SETX: variants seen among roughly 807,000 people sequenced by gnomAD.
SETX encodes the protein senataxin.
SETX carries 90 observed loss-of-function variants against 227.2 expected under a neutral mutation model. The ratio of observed to expected loss-of-function variants is 0.40; its 90% CI spans 0.33 to 0.47. The LOEUF is 0.47. Among genes scored for constraint, SETX ranks in the 20% least tolerant of loss-of-function variants. The probability of loss-of-function intolerance (pLI) is 0.91; values close to 1 mark genes in which losing one functional copy is unlikely to be tolerated. For missense variants in SETX, 3,052 were observed against 3,181.5 expected, an observed-to-expected ratio of 0.96 and a Z score of 0.98; for synonymous variants, 1,210 against 1,113.2, an observed-to-expected ratio of 1.09 and a Z score of -1.73.
At chr9:132,277,174 C>G (rs748667024) in intron 21 of SETX, 22 bp from the exon 22 acceptor site, 22 of 1,558,622 alleles carry the variant, frequency 1.4e-5, no homozygotes, top group Non-Finnish European at 1.7e-5. Flanking sequence ...AAAAAGCAGT[C>G]AACATTCAGA....
intron 25 of SETX, 162 bp downstream of exon 25, chr9:132,269,453 G>A: frequency 1.9e-6 from 3 of 1,586,568 alleles, no homozygotes; most frequent in Non-Finnish European, 1.7e-6. Context: ...AAAGGCGAAT[G>A]GTTCACGTGT....
chr9:132,304,366 C>T (rs1366094675), intron 11 of SETX, among the ~76,000 whole-genome samples: 8 of 152,096 alleles, frequency 5.3e-5, no homozygotes, highest in Non-Finnish European at 8.8e-5. Context: ...ATTTAGGGTC[C>T]TGCAAGACCC....
At chr9:132,333,972 A>ACAGAGAAG (rs1217597472) in intron 7 of SETX, among the ~76,000 whole-genome samples, 3 of 152,140 alleles carry the variant, frequency 2.0e-5, no homozygotes, top group Non-Finnish European at 4.4e-5. Context: ...CCACAGAGAA[A>ACAGAGAAG]CAAAGAGGCA....
intron 11 of SETX, among the ~76,000 whole-genome samples, chr9:132,309,373 C>T (rs1034205712): frequency 1.1e-4 from 17 of 151,560 alleles, no homozygotes. Flanking sequence ...ATAATCAGAC[C>T]TCTACTTGGG....
rs779742691 is a variant in SETX at position 132,330,171 on chromosome 9, T to C, written c.1427A>G (p.His476Arg). The change falls in exon 10 of 26, where the codon CAT (histidine) becomes CGT (arginine). Residue 476 changes from histidine to arginine, a missense_variant. Physicochemically the swap from His to Arg is conservative, Grantham distance 29. Around this residue, in one of 10 missense-constraint regions of SETX, gnomAD observed 179 missense variants for 197.1 expected, o/e 0.91. Transcript: ENST00000224140. ...TTGCTGGGAACTTACCCACAGCAAA[T>C]GCAAACATTTTTTATTTCTATGCAG... Reference protein sequence around the residue: ...IELHRNKKCLHLLWVSSQQWV... With the variant: ...IELHRNKKCLRLLWVSSQQWV... 1.3e-6 allele frequency: 2 copies of C among 1,594,840 alleles called. No homozygotes were observed. Among genetic ancestry groups the C allele is most frequent in the Non-Finnish European group, 1.7e-6 (2 of 1,168,824 alleles).
rs1479591314 is a variant in SETX, at chr9:132,294,625, G to C, written c.6106+1247C>G. ...CATGTTCCAGCCTCTCTTATACCTCGGTGTGGCCGAAAGGAAATAAGCAGA... is the reference window on the plus strand; with the variant it reads ...CATGTTCCAGCCTCTCTTATACCTCCGTGTGGCCGAAAGGAAATAAGCAGA... On this transcript the variant is annotated intron_variant, in intron 15 of 25. Transcript: ENST00000224140. 2.6e-5 allele frequency among the ~76,000 whole-genome samples: 4 copies of C among 152,304 alleles called. No homozygotes were observed. The East Asian group carries it at 7.7e-4, about 29-fold the overall frequency.
intron 25 of SETX, 197 bp downstream of exon 25, chr9:132,269,418 T>C (rs746910595): frequency 2.0e-5 from 32 of 1,568,778 alleles, no homozygotes; most frequent in East Asian, 1.5e-4. Flanking sequence ...GAGCCCAGTG[T>C]AGATACTTGG....
intron 11 of SETX, among the ~76,000 whole-genome samples, chr9:132,311,213 C>T (rs1845634965): frequency 1.3e-5 from 2 of 152,154 alleles, no homozygotes; most frequent in Admixed American, 6.5e-5. Flanking sequence ...GATCCCCGCC[C>T]GCCTCGGCCT....
At chr9:132,280,874 T>G (rs1186032655) in intron 20 of SETX, among the ~76,000 whole-genome samples, 1 of 152,230 alleles carries the variant, frequency 6.6e-6, no homozygotes, top group Non-Finnish European at 1.5e-5. Context: ...ACAGTCTGGT[T>G]CTTCTCTTCC....
intron 10 of SETX, 22 bp downstream of exon 10, chr9:132,326,302 T>C: frequency 6.5e-7 from 1 of 1,546,384 alleles, no homozygotes; most frequent in Non-Finnish European, 8.9e-7. Context: ...TGGAGAGGCA[T>C]ACAAATGAAA....
intron 19 of SETX, chr9:132,282,979 T>C (rs1319578159): frequency 2.3e-6 from 1 of 443,048 alleles, no homozygotes; most frequent in African/African-American, 2.0e-5. Context: ...CTTCAAAAGG[T>C]TACCAGAGAT....
chr9:132,298,346 T>G, intron 12 of SETX, 34 bp from the exon 13 acceptor site: 4 of 1,495,070 alleles, frequency 2.7e-6, no homozygotes, highest in Non-Finnish European at 3.7e-6. Context: ...CAACTTCAGT[T>G]ATCACTGAAT....
Position 132,269,756 on chromosome 9 carries a change from T to A in SETX, c.7200-54A>T, listed in dbSNP as rs545641978. The A allele has an allele frequency of 9.3e-5, 145 of 1,565,460 alleles. No homozygotes were observed. The East Asian group carries it at 3.3e-3, about 35-fold the overall frequency. ...TGTCTAGAATGACTTAACATGCCCA[T>A]GTGAGACAAAGGTGGACTCTAGAAT... On this transcript the variant is annotated intron_variant, in intron 24 of 25. Transcript: ENST00000224140.
At chr9:132,351,388 A>C (rs1187159115) in intron 2 of SETX, among the ~76,000 whole-genome samples, 1 of 152,240 alleles carries the variant, frequency 6.6e-6, no homozygotes, top group Admixed American at 6.5e-5. Flanking sequence ...ACTTTAAAAT[A>C]AGTACTAACA....
At position 132,331,353 on chromosome 9, in the gene SETX, T is replaced by C. The variant is rs1446005826; in HGVS notation, c.934A>G (p.Ile312Val). Reference protein sequence around the residue: ...SKVWGQLMDPIVAFQTIINNA... With the variant: ...SKVWGQLMDPVVAFQTIINNA... The stretch of plus-strand genomic sequence containing the variant: ...TTGATAATGGTTTGAAATGCCACAA[T>C]AGGATCCATAAGTTGACCCCAGACC... The change falls in exon 8 of 26, where the codon ATT (isoleucine) becomes GTT (valine). Residue 312 changes from isoleucine to valine, a missense_variant. By Grantham distance (29) the Ile-to-Val change is conservative. Coordinates refer to ENST00000224140, the MANE Select transcript of SETX (RefSeq NM_015046.7). The C allele has an allele frequency of 5.6e-6, 9 of 1,614,032 alleles. No individual in the cohort carries two copies. Among genetic ancestry groups the C allele is most frequent in the East Asian group, 2.2e-5 (1 of 44,878 alleles).
At chr9:132,319,729 C>A (rs1006839385) in intron 10 of SETX, among the ~76,000 whole-genome samples, 1 of 152,196 alleles carries the variant, frequency 6.6e-6, no homozygotes, top group Non-Finnish European at 1.5e-5. Flanking sequence ...GAACTGATTA[C>A]AATCTGAAAT....
chr9:132,330,318 G>C lies in SETX; in HGVS notation c.1280C>G (p.Ala427Gly). Residue 427 changes from alanine to glycine, a missense_variant, in exon 10 of 26, where the codon GCT (alanine) becomes GGT (glycine). Around this residue, in one of 10 missense-constraint regions of SETX, gnomAD observed 179 missense variants for 197.1 expected, o/e 0.91. Coordinates refer to ENST00000224140, the MANE Select transcript of SETX (RefSeq NM_015046.7). ...ATGATTAACAACCTGTGCTATGTAAGCCACACCCAAATCCTTAAGATCCAT... is the reference window on the plus strand; with the variant it reads ...ATGATTAACAACCTGTGCTATGTAACCCACACCCAAATCCTTAAGATCCAT... ...SLMDLKDLGV[A>G]YIAQVVNHLY... is the part of the protein sequence containing the mutation. 1 of 1,612,570 alleles carries C rather than the reference G, an allele frequency of 6.2e-7. No homozygotes were observed. Among genetic ancestry groups the C allele is most frequent in the Non-Finnish European group, 8.5e-7 (1 of 1,178,778 alleles).
intron 11 of SETX, among the ~76,000 whole-genome samples, chr9:132,307,006 G>A (rs1463904809): frequency 2.0e-5 from 3 of 152,236 alleles, no homozygotes; most frequent in Non-Finnish European, 4.4e-5. Flanking sequence ...TGTAATCCCT[G>A]CACTTTGGGA....
rs575430394 is a variant in SETX at position 132,316,570 on chromosome 9, CAT to C, written c.5275-4716_5275-4715del. 1.2e-4 allele frequency among the ~76,000 whole-genome samples: 19 copies of C among 152,344 alleles called. 1 individual carries two copies. The South Asian group carries it at 3.9e-3, about 32-fold the overall frequency. On this transcript the variant is annotated intron_variant, in intron 10 of 25. Coordinates refer to ENST00000224140, the MANE Select transcript of SETX (RefSeq NM_015046.7). Reference sequence around the variant, plus strand: ...TCTTCGTTTAGTTTTACTTTCCAAACATATGTGATTTAACCAAAGTTTATGTG... The same window carrying C: ...TCTTCGTTTAGTTTTACTTTCCAAACATGTGATTTAACCAAAGTTTATGTG...
Sources: gnomAD v4.1 joint callset for allele counts (sites outside exome capture counted in the v4.1 genomes callset) on GRCh38, gnomAD v4.1.1 for gene constraint, gnomAD v4.1.1 regional missense constraint, MANE v1.5 for transcripts, NCBI Gene and HGNC (gene_info 2026-07-23, HGNC 2026-07-21) for gene names.